CCDC126: variants seen among roughly 807,000 people sequenced by gnomAD.
The protein encoded by CCDC126 is coiled-coil domain containing 126, also known as coiled-coil domain-containing protein 126.
A neutral mutation model predicts 11.7 loss-of-function variants in CCDC126; 5 were observed. The ratio of observed to expected loss-of-function variants is 0.43; its 90% CI spans 0.22 to 0.90. The LOEUF is 0.90. Ranked by LOEUF, CCDC126 falls within the 40% of genes least tolerant of loss-of-function variation. The pLI is 0.27. For synonymous variants in CCDC126, 60 were observed against 61.9 expected (o/e 0.97, Z 0.14); for missense variants, 150 against 163.1 (o/e 0.92, Z 0.44).
At chr7:23,633,493 C>G (rs1783150390) in intron 3 of CCDC126, among the ~76,000 whole-genome samples, 1 of 152,102 alleles carries the variant, frequency 6.6e-6, no homozygotes, top group Non-Finnish European at 1.5e-5. Context: ...GTTTGTATTT[C>G]TTTGGAAGCA....
intron 3 of CCDC126, among the ~76,000 whole-genome samples, chr7:23,622,321 G>C (rs1291113505): frequency 6.6e-6 from 1 of 152,178 alleles, no homozygotes; most frequent in African/African-American, 2.4e-5. Flanking sequence ...GGGTGTATGT[G>C]TCAAGGAATT....
At chr7:23,634,507 AGTAGGGG>A (rs1783173286) in intron 3 of CCDC126, among the ~76,000 whole-genome samples, 1 of 152,222 alleles carries the variant, frequency 6.6e-6, no homozygotes, top group Non-Finnish European at 1.5e-5. Context: ...ATGTGACATA[AGTAGGGG>A]GTCTGCAAGA....
intron 3 of CCDC126, among the ~76,000 whole-genome samples, chr7:23,624,988 G>A (rs1473401581): frequency 6.6e-6 from 1 of 152,156 alleles, no homozygotes; most frequent in East Asian, 1.9e-4. Context: ...GACTACAGGT[G>A]TGCTCCACCC....
chr7:23,609,337 C>A (rs935392376), intron 2 of CCDC126, among the ~76,000 whole-genome samples: 1 of 152,108 alleles, frequency 6.6e-6, no homozygotes, highest in African/African-American at 2.4e-5. Flanking sequence ...GCATGCGCCA[C>A]CACGTCCGGC....
At chr7:23,617,857 A>T (rs979223442) in intron 3 of CCDC126, among the ~76,000 whole-genome samples, 3 of 152,226 alleles carry the variant, frequency 2.0e-5, no homozygotes, top group Non-Finnish European at 2.9e-5. Context: ...TCTGTAATTG[A>T]ATTTGTGGAT....
At chr7:23,628,576 G>C (rs1337991667) in intron 3 of CCDC126, among the ~76,000 whole-genome samples, 1 of 152,174 alleles carries the variant, frequency 6.6e-6, no homozygotes, top group Non-Finnish European at 1.5e-5. Flanking sequence ...CAAGGCTACA[G>C]TGAGGCATAC....
rs576090845 is a variant in CCDC126, at chr7:23,639,179, AT to A, written c.239-3744del. 2.0e-3 allele frequency among the ~76,000 whole-genome samples: 294 copies of A among 147,818 alleles called. 3 individuals carry two copies. Among genetic ancestry groups the A allele is most frequent in the African/African-American group, 6.7e-3 (270 of 40,202 alleles). ...TCATCTAAACTCACAATTGGCTAAC[AT>A]TTTTTTTATGTCTTTTTTTTTTTTT... On this transcript the variant is annotated intron_variant, in intron 3 of 3. Transcript: ENST00000307471.
At chr7:23,640,445 C>T (rs995295162) in intron 3 of CCDC126, among the ~76,000 whole-genome samples, 9 of 151,894 alleles carry the variant, frequency 5.9e-5, no homozygotes, top group East Asian at 3.9e-4. Context: ...TGCGATGAGC[C>T]GAGATCGCGC....
chr7:23,637,120 GT>G (rs2128022068), intron 3 of CCDC126, among the ~76,000 whole-genome samples: 1 of 72,074 alleles, frequency 1.4e-5, no homozygotes, highest in Admixed American at 1.2e-4. Flanking sequence ...CGTCCGGGAG[GT>G]GAGGGGCGCC....
At chr7:23,640,075 C>T (rs763710753) in intron 3 of CCDC126, among the ~76,000 whole-genome samples, 8 of 151,938 alleles carry the variant, frequency 5.3e-5, no homozygotes, top group Non-Finnish European at 1.2e-4. Flanking sequence ...CCCAGCTACT[C>T]GGGAGGCTGA....
At chr7:23,628,847 G>T (rs1783057489) in intron 3 of CCDC126, among the ~76,000 whole-genome samples, 1 of 152,198 alleles carries the variant, frequency 6.6e-6, no homozygotes, top group Non-Finnish European at 1.5e-5. Context: ...CACACTGTCA[G>T]TGGAGAGTAC....
chr7:23,636,673 C>T (rs1394474762), intron 3 of CCDC126, among the ~76,000 whole-genome samples: 1 of 148,200 alleles, frequency 6.7e-6, no homozygotes, highest in African/African-American at 2.5e-5. Flanking sequence ...GGCAGCCATC[C>T]CGTCTGGGAA....
At chr7:23,626,487 AT>A (rs1450678958) in intron 3 of CCDC126, among the ~76,000 whole-genome samples, 9 of 151,982 alleles carry the variant, frequency 5.9e-5, no homozygotes, top group Non-Finnish European at 1.3e-4. Flanking sequence ...AAGCTAATAT[AT>A]TTTTTAATGG....
intron 3 of CCDC126, among the ~76,000 whole-genome samples, chr7:23,615,139 T>C (rs1179563959): frequency 6.6e-6 from 1 of 152,250 alleles, no homozygotes; most frequent in Non-Finnish European, 1.5e-5. Context: ...TTACTTAGTA[T>C]AGCCACCTTC....
intron 3 of CCDC126, among the ~76,000 whole-genome samples, chr7:23,617,728 C>G (rs1044845462): frequency 1.3e-5 from 2 of 152,158 alleles, no homozygotes; most frequent in African/African-American, 2.4e-5. Flanking sequence ...CACTTCTGAT[C>G]AAGTGGCTAC....
At chr7:23,631,799 C>T (rs866905493) in intron 3 of CCDC126, among the ~76,000 whole-genome samples, 1 of 151,738 alleles carries the variant, frequency 6.6e-6, no homozygotes, top group Non-Finnish European at 1.5e-5. Context: ...TTAAAAGTCC[C>T]CCCCCACCCT....
chr7:23,631,005 T>C (rs1488811988), intron 3 of CCDC126, among the ~76,000 whole-genome samples: 1 of 151,924 alleles, frequency 6.6e-6, no homozygotes, highest in Non-Finnish European at 1.5e-5. Context: ...GCTAAAGCAG[T>C]GCTGAGAGGG....
In CCDC126 at chr7:23,644,592, A is replaced by G. The variant is rs1487867513; in HGVS notation, c.*1477A>G. The G allele has an allele frequency of 2.0e-5, 3 of 152,638 alleles. No homozygotes were observed. Among genetic ancestry groups the G allele is most frequent in the Admixed American group, 1.3e-4 (2 of 15,290 alleles). The allele number at this position is 152,638 out of a possible 1,614,324, so 9.5% of individuals were successfully genotyped here. A position where few individuals can be genotyped will look rare whatever the true frequency, so the allele number is the denominator to read the frequency against. On this transcript the variant is annotated 3_prime_UTR_variant, in exon 4 of 4. Coordinates refer to ENST00000307471, the MANE Select transcript of CCDC126 (RefSeq NM_138771.4). ...CTACCTTTATGTGAAGAAATTAATTATATGCCATTGCCAGGTAGAAGTTTG... is the reference window on the plus strand; with the variant it reads ...CTACCTTTATGTGAAGAAATTAATTGTATGCCATTGCCAGGTAGAAGTTTG...
Position 23,629,592 on chromosome 7 carries a change from C to CAA in CCDC126, c.239-13329_239-13328dup, listed in dbSNP as rs34772402. On this transcript the variant is annotated intron_variant, in intron 3 of 3. Transcript: ENST00000307471. ...ATGAAGCAAATGAAAAAGACACCTT[C>CAA]AAAAAAAAAAATAGAAAGTCTCAGG... Among the ~76,000 whole-genome samples the CAA allele has an allele frequency of 1.2e-4, 17 of 139,794 alleles. 1 individual carries two copies. The highest frequency in any genetic ancestry group is 4.2e-4 in the African/African-American group (16 of 38,222). 91.7% of individuals were successfully genotyped at this position (139,794 alleles called of 152,430 possible). A position where few individuals can be genotyped will look rare whatever the true frequency, so the allele number is the denominator to read the frequency against.
Sources: gnomAD v4.1 joint callset for allele counts (sites outside exome capture counted in the v4.1 genomes callset) on GRCh38, gnomAD v4.1.1 for gene constraint, MANE v1.5 for transcripts, NCBI Gene and HGNC (gene_info 2026-07-23, HGNC 2026-07-21) for gene names.